The following NSMAF variants were observed in gnomAD, a reference collection of about 807,000 sequenced individuals.
NSMAF encodes the protein neutral sphingomyelinase activation associated factor.
In NSMAF, 90 loss-of-function variants were observed where a neutral mutation model predicts 134.9. That is an observed-to-expected ratio of 0.67 (90% CI 0.56 to 0.79). The LOEUF (loss-of-function observed/expected upper bound fraction) is 0.79. NSMAF is among the 30% of genes least tolerant of loss of function. The probability of loss-of-function intolerance (pLI) is 0.00; values close to 1 mark genes in which losing one functional copy is unlikely to be tolerated. For missense variants in NSMAF, 1,010 were observed against 1,119.0 expected, an observed-to-expected ratio of 0.90 and a Z score of 1.39; for synonymous variants, 358 against 389.6, an observed-to-expected ratio of 0.92 and a Z score of 0.96.
intron 26 of NSMAF, chr8:58,588,434 G>T (rs1805942614): frequency 1.5e-5 from 19 of 1,245,560 alleles, no homozygotes; most frequent in Non-Finnish European, 2.1e-5. Context: ...GGCTTTGGTG[G>T]GGGACGTGGG....
Position 58,643,048 on chromosome 8 carries a change from C to T in NSMAF, c.85G>A (p.Glu29Lys), listed in dbSNP as rs773774035. The T allele has an allele frequency of 1.7e-5, 28 of 1,614,034 alleles. No individual in the cohort carries two copies. The highest frequency in any genetic ancestry group is 1.3e-4 in the South Asian group (12 of 91,080). ...CTATGCTGTTCAAAGTAGTACTCCTCCAAGTTAAGCAGCAGCAAGGAAAAT... is the reference window on the plus strand; with the variant it reads ...CTATGCTGTTCAAAGTAGTACTCCTTCAAGTTAAGCAGCAGCAAGGAAAAT... ...ERFSLLLLNL[E>K]EYYFEQHRAN... The change falls in exon 2 of 31, where the codon GAG becomes AAG. Residue 29 changes from glutamate (E) to lysine (K), a missense_variant. Transcript: ENST00000038176.
chr8:58,640,535 TAAC>T (rs1369166988), intron 2 of NSMAF, among the ~76,000 whole-genome samples: 1 of 145,734 alleles, frequency 6.9e-6, no homozygotes, highest in African/African-American at 2.5e-5. Flanking sequence ...AGTATACTAA[TAAC>T]AACAATATTG....
At position 58,599,259 on chromosome 8, in the gene NSMAF, C is replaced by CTTTTTG; in HGVS notation, c.1552_1557dup (p.Gln518_Lys519dup). On this transcript the variant is annotated inframe_insertion, in exon 19 of 31. Coordinates refer to ENST00000038176, the MANE Select transcript of NSMAF (RefSeq NM_003580.4). The stretch of plus-strand genomic sequence containing the variant: ...TTATGGGCCCCAACTGCATCACTCC[C>CTTTTTG]TTTTTGTTTGTAGCCAAATATTAGA... 1 of 1,613,852 alleles carries CTTTTTG rather than the reference C, an allele frequency of 6.2e-7. No individual in the cohort carries two copies. Among genetic ancestry groups the CTTTTTG allele is most frequent in the Non-Finnish European group, 8.5e-7 (1 of 1,179,828 alleles).
At chr8:58,627,625 T>A (rs1208396840) in intron 6 of NSMAF, among the ~76,000 whole-genome samples, 1 of 151,704 alleles carries the variant, frequency 6.6e-6, no homozygotes, top group Non-Finnish European at 1.5e-5. Context: ...GCAAAAAAAA[T>A]AAAATAAAAT....
rs75227414 is a variant in NSMAF at position 58,640,336 on chromosome 8, T to A, written c.149+2648A>T. On this transcript the variant is annotated intron_variant, in intron 2 of 30. Coordinates refer to ENST00000038176, the MANE Select transcript of NSMAF (RefSeq NM_003580.4). ...ATACAATTTTTATTCATCAATTATA[T>A]CTCAATAAAGCTGGAAAAAAGGAGG... 3.3e-3 allele frequency among the ~76,000 whole-genome samples: 503 copies of A among 152,310 alleles called. 1 individual carries two copies. The highest frequency in any genetic ancestry group is 0.012 in the African/African-American group (486 of 41,568).
intron 1 of NSMAF, among the ~76,000 whole-genome samples, chr8:58,653,424 A>G (rs1796003756): frequency 6.6e-6 from 1 of 152,146 alleles, no homozygotes; most frequent in Non-Finnish European, 1.5e-5. Flanking sequence ...AAGTCCAAGT[A>G]TAAGCTATTT....
Position 58,589,418 on chromosome 8 carries a change from C to T in NSMAF, c.2211+34G>A, listed in dbSNP as rs541031771. 2.8e-6 allele frequency: 4 copies of T among 1,417,884 alleles called. No individual in the cohort carries two copies. The Admixed American group carries it at 1.1e-4, about 41-fold the overall frequency. 87.8% of individuals were successfully genotyped at this position (1,417,884 alleles called of 1,614,324 possible). ...ATTATACATATGCCATATAGCACAC[C>T]AAGTTAAAAAAACTTTTTAAATTAT... On this transcript the variant is annotated intron_variant, in intron 26 of 30. Transcript: ENST00000038176.
chr8:58,587,725 G>A (rs1403698797), intron 26 of NSMAF, 24 bp from the exon 27 acceptor site: 5 of 1,597,234 alleles, frequency 3.1e-6, no homozygotes, highest in Non-Finnish European at 2.6e-6. Flanking sequence ...TATTGCAGAA[G>A]GTATTTTCAA....
chr8:58,649,772 A>T (rs1038238113), intron 1 of NSMAF, among the ~76,000 whole-genome samples: 2 of 152,144 alleles, frequency 1.3e-5, no homozygotes, highest in Non-Finnish European at 2.9e-5. Context: ...ACCTTCCACC[A>T]TGAGTAAAAG....
At chr8:58,618,968 C>T (rs552819020) in intron 9 of NSMAF, among the ~76,000 whole-genome samples, 10 of 152,210 alleles carry the variant, frequency 6.6e-5, no homozygotes, top group South Asian at 4.1e-4. Context: ...TACATTAAAA[C>T]GTTCACAGTG....
At chr8:58,623,662 G>GT in intron 7 of NSMAF, 47 bp downstream of exon 7, 1 of 1,511,500 alleles carries the variant, frequency 6.6e-7, no homozygotes, top group Non-Finnish European at 9.2e-7. Context: ...TATAAAAACA[G>GT]TTTTTGCCTC....
At chr8:58,619,558 A>G (rs1212706883) in intron 9 of NSMAF, among the ~76,000 whole-genome samples, 1 of 152,220 alleles carries the variant, frequency 6.6e-6, no homozygotes, top group African/African-American at 2.4e-5. Context: ...ATCTAAATAT[A>G]CAGTTAATGG....
At chr8:58,637,754 C>T (rs1364504793) in intron 2 of NSMAF, among the ~76,000 whole-genome samples, 3 of 151,862 alleles carry the variant, frequency 2.0e-5, no homozygotes, top group Non-Finnish European at 4.4e-5. Context: ...TATAAAAGCA[C>T]CAAAGGAAAA....
In NSMAF at chr8:58,585,996, A is replaced by T. The variant is rs1244546186; in HGVS notation, c.2451T>A (p.Ser817Arg). The T allele has an allele frequency of 6.2e-7, 1 of 1,611,266 alleles. No individual in the cohort carries two copies. Among genetic ancestry groups the T allele is most frequent in the Non-Finnish European group, 8.5e-7 (1 of 1,177,562 alleles). The part of the protein sequence containing the change: ...IVCDTAFSPD[S>R]RHVLSTGTDG... ...CTGTTCCTGTGCTGAGGACATGGCG[A>T]CTATCTGCAACACAAGGTGAGACTC... The change falls in exon 29 of 31, where the codon AGT becomes AGA. Residue 817 changes from serine (S) to arginine (R), a missense_variant. Ser to Arg is a moderately radical substitution (Grantham distance 110). Coordinates refer to ENST00000038176, the MANE Select transcript of NSMAF (RefSeq NM_003580.4).
chr8:58,640,030 A>G (rs1807297994), intron 2 of NSMAF: 1 of 454,652 alleles, frequency 2.2e-6, no homozygotes, highest in South Asian at 1.6e-5. Context: ...AAACTTCACG[A>G]AATTAAAGGG....
At position 58,601,276 on chromosome 8, in the gene NSMAF, G is replaced by C. The variant is rs1461925116; in HGVS notation, c.1280+9C>G. ...GTTAAAAATGATAAGCAAGGCATTT[G>C]TATCAAACCTGTTGAACATTCTATC... is the stretch of plus-strand genomic sequence containing the variant. On this transcript the variant is annotated intron_variant, in intron 16 of 30. Coordinates refer to ENST00000038176, the MANE Select transcript of NSMAF (RefSeq NM_003580.4). 3 of 1,607,948 alleles carry C rather than the reference G, an allele frequency of 1.9e-6. No individual in the cohort carries two copies. Among genetic ancestry groups the C allele is most frequent in the Non-Finnish European group, 1.7e-6 (2 of 1,174,454 alleles).
chr8:58,659,438 C>A (rs1335377878), intron 1 of NSMAF, 135 bp downstream of exon 1: 1 of 1,498,594 alleles, frequency 6.7e-7, no homozygotes, highest in African/African-American at 1.5e-5. Context: ...CAGCCCAGGC[C>A]CTGGACACGC....
chr8:58,613,580 C>A (rs926261994), intron 9 of NSMAF, among the ~76,000 whole-genome samples: 8 of 151,622 alleles, frequency 5.3e-5, no homozygotes, highest in African/African-American at 1.9e-4. Flanking sequence ...AAATGAGACA[C>A]CAAGAAATAA....
intron 1 of NSMAF, among the ~76,000 whole-genome samples, chr8:58,647,520 G>T (rs553757846): frequency 6.6e-6 from 1 of 152,114 alleles, no homozygotes; most frequent in Non-Finnish European, 1.5e-5. Context: ...GTGGAGGCCC[G>T]GTAGGAGGTG....
Sources: gnomAD v4.1 joint callset for allele counts (sites outside exome capture counted in the v4.1 genomes callset) on GRCh38, gnomAD v4.1.1 for gene constraint, MANE v1.5 for transcripts, NCBI Gene and HGNC (gene_info 2026-07-23, HGNC 2026-07-21) for gene names.